The following GRK4 variants were observed in gnomAD, a reference collection of about 807,000 sequenced individuals.
The protein encoded by GRK4 is G protein-coupled receptor kinase 4.
GRK4 carries 73 observed loss-of-function variants against 77.9 expected under a neutral mutation model. The observed-to-expected ratio is 0.94, with a 90% CI of 0.78 to 1.14. GRK4 has a LOEUF of 1.14. Ranked by LOEUF, GRK4 falls within the 50% of genes most tolerant of loss-of-function variation. The pLI is 0.00. For synonymous variants in GRK4, 257 were observed against 254.4 expected (o/e 1.01, Z -0.10); for missense variants, 729 against 700.2 (o/e 1.04, Z -0.46).
intron 1 of GRK4, among the ~76,000 whole-genome samples, chr4:2,972,119 C>A (rs1719739077): frequency 6.6e-6 from 1 of 152,158 alleles, no homozygotes; most frequent in Admixed American, 6.5e-5. Flanking sequence ...AGAGGGGATC[C>A]TTGGGCCTTC....
At chr4:3,026,771 A>G (rs905521903) in intron 10 of GRK4, among the ~76,000 whole-genome samples, 9 of 152,256 alleles carry the variant, frequency 5.9e-5, no homozygotes, top group African/African-American at 2.2e-4. Flanking sequence ...ACGTGCATGC[A>G]TCTGAGTCAG....
intron 2 of GRK4, among the ~76,000 whole-genome samples, chr4:2,986,460 G>A (rs1182133337): frequency 6.8e-6 from 1 of 147,764 alleles, no homozygotes; most frequent in Non-Finnish European, 1.5e-5. Flanking sequence ...AGATTCAAGT[G>A]ATTCCCTGCC....
At chr4:3,013,861 T>G (rs760726349) in intron 8 of GRK4, 33 bp downstream of exon 8, 3 of 1,569,814 alleles carry the variant, frequency 1.9e-6, no homozygotes, top group African/African-American at 1.4e-5. Context: ...CACTGTGCAT[T>G]GTTTGATTCA....
chr4:2,981,087 G>A (rs1201347547), intron 1 of GRK4, among the ~76,000 whole-genome samples: 1 of 152,262 alleles, frequency 6.6e-6, no homozygotes, highest in Admixed American at 6.5e-5. Flanking sequence ...GGGTGCCAGG[G>A]AATGCGGTGG....
chr4:3,024,841 G>A (rs1208828048), intron 10 of GRK4, among the ~76,000 whole-genome samples: 7 of 152,194 alleles, frequency 4.6e-5, no homozygotes, highest in Non-Finnish European at 7.4e-5. Flanking sequence ...CTGGGCGACA[G>A]AGTGAGACTC....
At chr4:3,027,832 G>A in intron 10 of GRK4, 80 bp from the exon 11 acceptor site, 5 of 1,113,990 alleles carry the variant, frequency 4.5e-6, no homozygotes, top group Middle Eastern at 2.1e-4. Context: ...TTTTTGAGGG[G>A]CCTTTTTTCC....
chr4:2,982,870 C>G (rs1233575166), intron 1 of GRK4, among the ~76,000 whole-genome samples: 1 of 152,198 alleles, frequency 6.6e-6, no homozygotes, highest in Admixed American at 6.5e-5. Flanking sequence ...ACTGACACAG[C>G]ACTTGACATA....
Position 3,037,496 on chromosome 4 carries a change from C to A in GRK4, c.1530C>A (p.Ile510=), listed in dbSNP as rs760714965. The change falls in exon 14 of 16, where the codon ATC becomes ATA. Residue 510 remains isoleucine, a synonymous_variant. Transcript: ENST00000398052. Reference sequence around the variant, plus strand: ...GGTTTGCTACCGGGTGTGTCTCCATCCCCTGGCAGAATGAGGTACTGCCCT... The same window carrying A: ...GGTTTGCTACCGGGTGTGTCTCCATACCCTGGCAGAATGAGGTACTGCCCT... The part of the protein sequence containing the change: ...YARFATGCVS[I]PWQNEMIESG... The A allele has an allele frequency of 3.7e-5, 60 of 1,605,532 alleles. No homozygotes were observed. In the Admixed American group the frequency reaches 8.0e-4, roughly 21 times the overall value.
intron 7 of GRK4, among the ~76,000 whole-genome samples, chr4:3,012,819 A>G (rs1733283962): frequency 1.3e-5 from 2 of 152,094 alleles, no homozygotes; most frequent in Admixed American, 1.3e-4. Context: ...ATTTCCTTAT[A>G]CTCTTGACAT....
In GRK4 at chr4:2,965,463, C is replaced by G. The variant is rs553499536; in HGVS notation, c.52+1341C>G. ...ATTGCTGATTTCCTCTATTTCCTTG[C>G]GTGATGGAGCAGCTCTGCTCGGACT... On this transcript the variant is annotated intron_variant, in intron 1 of 15. Coordinates refer to ENST00000398052, the MANE Select transcript of GRK4 (RefSeq NM_182982.3). 8.5e-6 allele frequency: 6 copies of G among 702,904 alleles called. No individual in the cohort carries two copies. In the Admixed American group the frequency reaches 1.2e-4, roughly 14 times the overall value. 43.5% of individuals were successfully genotyped at this position (702,904 alleles called of 1,614,324 possible).
intron 4 of GRK4, among the ~76,000 whole-genome samples, chr4:3,000,712 G>A (rs1233230006): frequency 5.3e-5 from 8 of 151,752 alleles, no homozygotes; most frequent in South Asian, 2.1e-4. Flanking sequence ...CTACAGGCAC[G>A]TGCCATTATG....
At chr4:2,983,506 A>G (rs1723413698) in intron 1 of GRK4, among the ~76,000 whole-genome samples, 2 of 152,334 alleles carry the variant, frequency 1.3e-5, no homozygotes, top group South Asian at 2.1e-4. Flanking sequence ...TGGTTTCACC[A>G]TGGGATGCTC....
At chr4:3,019,502 C>T (rs1578292222) in intron 8 of GRK4, 139 bp from the exon 9 acceptor site, 1 of 762,702 alleles carries the variant, frequency 1.3e-6, no homozygotes, top group Non-Finnish European at 2.1e-6. Flanking sequence ...ATGTCCTGTA[C>T]ATTTCTCTGA....
intron 4 of GRK4, among the ~76,000 whole-genome samples, chr4:2,995,437 G>A (rs1173061474): frequency 6.6e-6 from 1 of 151,512 alleles, no homozygotes; most frequent in African/African-American, 2.4e-5. Context: ...GGGAGGCCGA[G>A]GCGGGCAGAT....
chr4:2,981,202 C>T (rs2105380), intron 1 of GRK4, among the ~76,000 whole-genome samples: 6,328 of 152,332 alleles, frequency 0.042, 188 homozygotes, highest in African/African-American at 0.079. Flanking sequence ...GGCCACAGCT[C>T]TTATCTCCTC....
At chr4:3,028,441 C>CT (rs1246223180) in intron 11 of GRK4, among the ~76,000 whole-genome samples, 1 of 152,206 alleles carries the variant, frequency 6.6e-6, no homozygotes, top group Non-Finnish European at 1.5e-5. Flanking sequence ...ACCCCAAGGT[C>CT]TTGTGGCTTT....
At position 2,985,187 on chromosome 4, in the gene GRK4, C is replaced by T. The variant is rs557745119; in HGVS notation, c.148+579C>T. ...CGGCACTTTGGGAGGCCGAGGTGGG[C>T]GGATCACGAGGTCAGGAGATCGAGA... On this transcript the variant is annotated intron_variant, in intron 2 of 15. Coordinates refer to ENST00000398052, the MANE Select transcript of GRK4 (RefSeq NM_182982.3). 4.7e-4 allele frequency among the ~76,000 whole-genome samples: 72 copies of T among 151,672 alleles called. 1 individual carries two copies. The highest frequency in any genetic ancestry group is 1.4e-3 in the African/African-American group (60 of 41,416).
At chr4:3,016,715 C>CAAAAAAAAAAAAAAAAAAA (rs71180110) in intron 8 of GRK4, among the ~76,000 whole-genome samples, 1 of 130,382 alleles carries the variant, frequency 7.7e-6, no homozygotes. Context: ...CAAAGCAAAA[C>CAAAAAAAAAAAAAAAAAAA]AAAAAAAAAA....
chr4:2,992,180 A>T, intron 3 of GRK4, 35 bp from the exon 4 acceptor site: 2 of 1,495,188 alleles, frequency 1.3e-6, no homozygotes, highest in Non-Finnish European at 1.9e-6. Flanking sequence ...CACCCAGCTT[A>T]ACTGTTCTTT....
Sources: gnomAD v4.1 joint callset for allele counts (sites outside exome capture counted in the v4.1 genomes callset) on GRCh38, gnomAD v4.1.1 for gene constraint, MANE v1.5 for transcripts, NCBI Gene and HGNC (gene_info 2026-07-23, HGNC 2026-07-21) for gene names.